Variants in CNTNAP4 observed in about 807,000 individuals in gnomAD.
CNTNAP4 encodes contactin-associated protein-like 4.
Under a neutral mutation model 148.4 loss-of-function variants are expected in CNTNAP4, and 98 were observed. That is an observed-to-expected ratio of 0.66 (90% CI 0.56 to 0.78). The LOEUF (loss-of-function observed/expected upper bound fraction) is 0.78. Ranked by LOEUF, CNTNAP4 falls within the 30% of genes least tolerant of loss-of-function variation. CNTNAP4 has a pLI of 0.00. For missense variants in CNTNAP4, 1,935 were observed against 1,565.6 expected (o/e 1.24, Z -3.98); for synonymous variants, 730 against 565.1 (o/e 1.29, Z -4.14).
intron 3 of CNTNAP4, among the ~76,000 whole-genome samples, chr16:76,395,050 T>C (rs907698472): frequency 1.3e-5 from 2 of 152,030 alleles, no homozygotes; most frequent in African/African-American, 4.8e-5. Flanking sequence ...TCAGACAAAA[T>C]TGTATGTTTG....
chr16:76,473,540 G>A (rs12050969), intron 10 of CNTNAP4, among the ~76,000 whole-genome samples: 12,767 of 152,064 alleles, frequency 0.084, 680 homozygotes, highest in South Asian at 0.19. Flanking sequence ...TTGGGAGGCC[G>A]AGGCGGGCAG....
chr16:76,514,747 A>G (rs964998046), intron 15 of CNTNAP4, among the ~76,000 whole-genome samples: 2 of 112,370 alleles, frequency 1.8e-5, no homozygotes, highest in Admixed American at 1.2e-4. Context: ...GAAAACAATA[A>G]TAGATGTGCT....
Position 76,391,475 on chromosome 16 carries a change from T to C in CNTNAP4, c.390+35964T>C, listed in dbSNP as rs16944334. Among the ~76,000 whole-genome samples the C allele has an allele frequency of 8.2e-3, 1,244 of 152,344 alleles. 21 individuals are homozygous for C. The highest frequency in any genetic ancestry group is 0.028 in the African/African-American group (1,175 of 41,570). ...TTTATTTATCTAAAATATCCTGTTA[T>C]GCAAAACTTTGTGCTTGGCCTAGTA... is the stretch of plus-strand genomic sequence containing the variant. On this transcript the variant is annotated intron_variant, in intron 3 of 23. Transcript: ENST00000611870.
chr16:76,294,287 G>T (rs969353420), intron 1 of CNTNAP4, among the ~76,000 whole-genome samples: 11 of 152,120 alleles, frequency 7.2e-5, no homozygotes, highest in African/African-American at 2.7e-4. Context: ...ATGGATTCCT[G>T]ATCTAATACA....
intron 4 of CNTNAP4, among the ~76,000 whole-genome samples, chr16:76,437,805 C>G (rs966613505): frequency 6.6e-6 from 1 of 152,016 alleles, no homozygotes; most frequent in African/African-American, 2.4e-5. Flanking sequence ...TAGAAAATGT[C>G]TATTTGGCAG....
rs115189813 is a variant in CNTNAP4, at chr16:76,284,773, G to A, written c.85+7026G>A. ...TAAATATGCATGCCTGTATGTGTAT[G>A]CATGCATTTATTTGACTTTTGAAAC... On this transcript the variant is annotated intron_variant, in intron 1 of 23. Coordinates refer to ENST00000611870, the MANE Select transcript of CNTNAP4 (RefSeq NM_033401.5). Among the ~76,000 whole-genome samples, 815 of 152,018 alleles carry A rather than the reference G, an allele frequency of 5.4e-3. 3 individuals are homozygous for A. The highest frequency in any genetic ancestry group is 0.018 in the African/African-American group (743 of 41,514).
chr16:76,417,178 G>A (rs2079018834), intron 3 of CNTNAP4, among the ~76,000 whole-genome samples: 1 of 151,244 alleles, frequency 6.6e-6, no homozygotes, highest in South Asian at 2.1e-4. Flanking sequence ...TCTTTAATTG[G>A]TATATTTAGA....
chr16:76,294,229 A>C (rs1959185390), intron 1 of CNTNAP4, among the ~76,000 whole-genome samples: 1 of 152,176 alleles, frequency 6.6e-6, no homozygotes, highest in African/African-American at 2.4e-5. Flanking sequence ...GAGAAGACAA[A>C]AAGTAACTCT....
chr16:76,349,931 G>A (rs1272855907), intron 2 of CNTNAP4, among the ~76,000 whole-genome samples: 1 of 151,922 alleles, frequency 6.6e-6, no homozygotes. Flanking sequence ...ATTACTACGG[G>A]ATAAAGGTGA....
intron 21 of CNTNAP4, among the ~76,000 whole-genome samples, chr16:76,541,371 A>G (rs1199532226): frequency 6.6e-6 from 1 of 152,224 alleles, no homozygotes; most frequent in Non-Finnish European, 1.5e-5. Flanking sequence ...CACTGTTGCC[A>G]TTTTAACATC....
intron 1 of CNTNAP4, among the ~76,000 whole-genome samples, chr16:76,311,804 G>A (rs73619302): frequency 0.032 from 4,920 of 152,202 alleles, 289 homozygotes; most frequent in African/African-American, 0.11. Flanking sequence ...GAATGCAGAC[G>A]TCCATGGTCT....
At chr16:76,413,652 C>T (rs541073517) in intron 3 of CNTNAP4, among the ~76,000 whole-genome samples, 18 of 150,810 alleles carry the variant, frequency 1.2e-4, no homozygotes, top group African/African-American at 4.4e-4. Flanking sequence ...TTGTAACTAT[C>T]TTGTAATTTG....
chr16:76,364,622 C>G (rs1031133022), intron 3 of CNTNAP4, among the ~76,000 whole-genome samples: 1 of 152,158 alleles, frequency 6.6e-6, no homozygotes, highest in Non-Finnish European at 1.5e-5. Flanking sequence ...CTGCTTCATT[C>G]CCCAGGAGGC....
At chr16:76,504,490 C>A (rs2082769061) in intron 15 of CNTNAP4, among the ~76,000 whole-genome samples, 1 of 151,940 alleles carries the variant, frequency 6.6e-6, no homozygotes, top group South Asian at 2.1e-4. Context: ...AAACTTAAAT[C>A]TAAAACCACA....
intron 1 of CNTNAP4, chr16:76,316,032 TG>T: frequency 3.3e-6 from 1 of 305,180 alleles, no homozygotes; most frequent in African/African-American, 2.2e-5. Context: ...TTATAGGTTT[TG>T]CAAGTACTTT....
intron 1 of CNTNAP4, among the ~76,000 whole-genome samples, chr16:76,292,514 T>A (rs1597097920): frequency 2.0e-5 from 3 of 151,800 alleles, no homozygotes; most frequent in African/African-American, 7.2e-5. Context: ...TCTCTGGAGC[T>A]CAGTGCCTGT....
intron 3 of CNTNAP4, among the ~76,000 whole-genome samples, chr16:76,386,167 G>A (rs1418694800): frequency 1.3e-5 from 2 of 152,164 alleles, no homozygotes; most frequent in African/African-American, 2.4e-5. Flanking sequence ...ATCTTAGCTA[G>A]TAGGCAAATT....
At chr16:76,403,743 A>G (rs897531780) in intron 3 of CNTNAP4, among the ~76,000 whole-genome samples, 1 of 152,218 alleles carries the variant, frequency 6.6e-6, no homozygotes, top group Non-Finnish European at 1.5e-5. Context: ...AGACACATGC[A>G]CGCAAATGTT....
chr16:76,289,524 T>C (rs1959025144), intron 1 of CNTNAP4, among the ~76,000 whole-genome samples: 1 of 129,412 alleles, frequency 7.7e-6, no homozygotes, highest in Admixed American at 7.4e-5. Context: ...TCATTGCCTT[T>C]AGCATTTTTT....
Sources: gnomAD v4.1 joint callset for allele counts (sites outside exome capture counted in the v4.1 genomes callset) on GRCh38, gnomAD v4.1.1 for gene constraint, MANE v1.5 for transcripts, NCBI Gene and HGNC (gene_info 2026-07-23, HGNC 2026-07-21) for gene names.